The following NTRK2 variants were observed in gnomAD, a reference collection of about 807,000 sequenced individuals.
The protein encoded by NTRK2 is BDNF/NT-3 growth factors receptor.
A neutral mutation model predicts 94.5 loss-of-function variants in NTRK2; 13 were observed. The ratio of observed to expected loss-of-function variants is 0.14; its 90% CI spans 0.09 to 0.22. NTRK2 has a LOEUF of 0.22. Among genes scored for constraint, NTRK2 ranks in the 10% least tolerant of loss-of-function variants. NTRK2 has a pLI of 1.00. For missense variants in NTRK2, 639 were observed against 1,071.2 expected, an observed-to-expected ratio of 0.60 and a Z score of 5.63; for synonymous variants, 372 against 407.4, an observed-to-expected ratio of 0.91 and a Z score of 1.05.
At chr9:84,919,201 C>G (rs2077487235) in intron 14 of NTRK2, among the ~76,000 whole-genome samples, 1 of 152,152 alleles carries the variant, frequency 6.6e-6, no homozygotes, top group Admixed American at 6.5e-5. Flanking sequence ...ATACATTTTT[C>G]ACATCTCACC....
rs922155603 is a variant in NTRK2 at position 84,727,649 on chromosome 9, T to C, written c.854-5T>C. The C allele has an allele frequency of 1.9e-6, 3 of 1,612,000 alleles. No individual in the cohort carries two copies. The highest frequency in any genetic ancestry group is 2.5e-6 in the Non-Finnish European group (3 of 1,179,746). On this transcript the variant is annotated splice_region_variant and splice_polypyrimidine_tract_variant and intron_variant, in intron 8 of 18. Transcript: ENST00000277120. Reference sequence around the variant, plus strand: ...ATGCTATTAACTCTCTCTTTTTCAATTTAGTTGCACCAACTATCACATTTC... The same window carrying C: ...ATGCTATTAACTCTCTCTTTTTCAACTTAGTTGCACCAACTATCACATTTC...
chr9:85,003,171 C>A (rs535841948), intron 17 of NTRK2, among the ~76,000 whole-genome samples: 1 of 152,130 alleles, frequency 6.6e-6, no homozygotes, highest in Non-Finnish European at 1.5e-5. Context: ...TGAAAAGCTT[C>A]ATTTGTGAGA....
chr9:84,724,833 A>G (rs2062331545), intron 8 of NTRK2, among the ~76,000 whole-genome samples: 1 of 152,252 alleles, frequency 6.6e-6, no homozygotes, highest in Non-Finnish European at 1.5e-5. Context: ...GTGAGAAGGT[A>G]GGATTAGTCC....
intron 2 of NTRK2, among the ~76,000 whole-genome samples, chr9:84,698,985 T>A (rs185743613): frequency 6.6e-6 from 1 of 152,254 alleles, no homozygotes. Context: ...CTACACGTAG[T>A]AGCTTATGAG....
At chr9:84,801,150 GA>G (rs1156872986) in intron 12 of NTRK2, among the ~76,000 whole-genome samples, 1 of 152,186 alleles carries the variant, frequency 6.6e-6, no homozygotes, top group African/African-American at 2.4e-5. Context: ...GAACCTGTTA[GA>G]TTTTTTTTCA....
chr9:84,838,357 G>A (rs908393173), intron 12 of NTRK2, among the ~76,000 whole-genome samples: 5 of 152,004 alleles, frequency 3.3e-5, no homozygotes, highest in Non-Finnish European at 5.9e-5. Context: ...ATAATTAACC[G>A]AATTCATTGA....
chr9:84,702,039 C>A, intron 2 of NTRK2, 120 bp from the exon 3 acceptor site: 1 of 838,712 alleles, frequency 1.2e-6, no homozygotes, highest in Non-Finnish European at 2.0e-6. Flanking sequence ...AAAAAAATGG[C>A]AAGGCTCAGA....
intron 2 of NTRK2, among the ~76,000 whole-genome samples, chr9:84,696,832 C>G (rs980571659): frequency 6.6e-6 from 1 of 152,078 alleles, no homozygotes; most frequent in Non-Finnish European, 1.5e-5. Flanking sequence ...TAGATGAGTA[C>G]ATTGATAAGA....
At chr9:84,934,338 C>T (rs775949124) in intron 15 of NTRK2, 46 bp downstream of exon 15, 42 of 1,604,456 alleles carry the variant, frequency 2.6e-5, no homozygotes, top group Middle Eastern at 1.7e-4. Context: ...ATCACACTTA[C>T]GTGTGGAAAT....
At chr9:84,926,155 TTCCTTCCTTCCTTCCTTTCTTTCTTTC>T (rs2077779208) in intron 14 of NTRK2, among the ~76,000 whole-genome samples, 5 of 89,938 alleles carry the variant, frequency 5.6e-5, no homozygotes, top group African/African-American at 2.0e-4. Context: ...CCTTCCTTCC[TTCCTTCCTTCCTTCCTTTCTTTCTTTC>T]TTTCTTTCTT....
chr9:84,793,732 G>A (rs1588639334), intron 12 of NTRK2, among the ~76,000 whole-genome samples: 1 of 152,292 alleles, frequency 6.6e-6, no homozygotes, highest in East Asian at 1.9e-4. Context: ...TCAGAGGGAG[G>A]GAAGAACAAA....
At chr9:84,824,628 T>G (rs2073067448) in intron 12 of NTRK2, among the ~76,000 whole-genome samples, 1 of 152,220 alleles carries the variant, frequency 6.6e-6, no homozygotes, top group Admixed American at 6.5e-5. Flanking sequence ...CTCTCAGTTC[T>G]AAATTTTTCT....
intron 2 of NTRK2, among the ~76,000 whole-genome samples, chr9:84,691,669 G>A (rs926659487): frequency 1.7e-4 from 26 of 152,176 alleles, no homozygotes; most frequent in African/African-American, 5.8e-4. Context: ...AGAGGTACCA[G>A]CAGAGATGCA....
chr9:84,857,508 G>A (rs963856399), intron 12 of NTRK2, among the ~76,000 whole-genome samples: 4 of 152,178 alleles, frequency 2.6e-5, no homozygotes, highest in African/African-American at 9.7e-5. Context: ...GTTTTAAGAC[G>A]ACTGCTTAAA....
chr9:84,906,021 T>G (rs1218993089), intron 14 of NTRK2, among the ~76,000 whole-genome samples: 1 of 152,170 alleles, frequency 6.6e-6, no homozygotes, highest in Non-Finnish European at 1.5e-5. Context: ...TTTCCAATAC[T>G]TTGCATGTGT....
intron 17 of NTRK2, among the ~76,000 whole-genome samples, chr9:84,986,442 G>A (rs1828312311): frequency 6.6e-6 from 1 of 152,164 alleles, no homozygotes; most frequent in Admixed American, 6.5e-5. Flanking sequence ...GTGCTTTTAT[G>A]AGAATCTAAT....
chr9:84,934,475 C>G (rs1287138746), intron 15 of NTRK2, among the ~76,000 whole-genome samples, 183 bp downstream of exon 15: 5 of 152,186 alleles, frequency 3.3e-5, no homozygotes. Flanking sequence ...ATCCAACTGT[C>G]AGAGGTTCTT....
intron 14 of NTRK2, 71 bp downstream of exon 14, chr9:84,867,502 C>A (rs962686175): frequency 1.1e-5 from 14 of 1,276,782 alleles, no homozygotes; most frequent in African/African-American, 2.9e-5. Context: ...TTTATCAGAG[C>A]CCCTGATAGG....
At chr9:84,793,122 G>A (rs1285925385) in intron 12 of NTRK2, among the ~76,000 whole-genome samples, 2 of 152,100 alleles carry the variant, frequency 1.3e-5, no homozygotes, top group Non-Finnish European at 2.9e-5. Flanking sequence ...TGGTTGCTGA[G>A]AGGTCTTTTC....
Sources: gnomAD v4.1 joint callset for allele counts (sites outside exome capture counted in the v4.1 genomes callset) on GRCh38, gnomAD v4.1.1 for gene constraint, MANE v1.5 for transcripts, NCBI Gene and HGNC (gene_info 2026-07-23, HGNC 2026-07-21) for gene names.